CEP112: variants seen among roughly 807,000 people sequenced by gnomAD.
The protein encoded by CEP112 is centrosomal protein of 112 kDa.
Under a neutral mutation model 153.0 loss-of-function variants are expected in CEP112, and 127 were observed. That is an observed-to-expected ratio of 0.83 (90% CI 0.72 to 0.96). The LOEUF is 0.96. CEP112 is among the 40% of genes least tolerant of loss of function. CEP112 has a pLI of 0.00. For synonymous variants in CEP112, 358 were observed against 374.4 expected (o/e 0.96, Z 0.51); for missense variants, 1,089 against 1,101.2 (o/e 0.99, Z 0.16).
intron 6 of CEP112, among the ~76,000 whole-genome samples, chr17:66,118,472 T>C (rs550176143): frequency 4.7e-4 from 71 of 152,204 alleles, no homozygotes; most frequent in African/African-American, 1.6e-3. Flanking sequence ...ATATCACATG[T>C]TCTCACTCAT....
At chr17:65,741,987 T>G (rs528010031) in intron 23 of CEP112, among the ~76,000 whole-genome samples, 1 of 148,084 alleles carries the variant, frequency 6.8e-6, no homozygotes, top group East Asian at 2.0e-4. Flanking sequence ...TGGAAATACA[T>G]AGGAAAAATG....
intron 24 of CEP112, among the ~76,000 whole-genome samples, chr17:65,669,699 C>T (rs564849097): frequency 6.6e-4 from 100 of 152,102 alleles, no homozygotes; most frequent in Non-Finnish European, 1.2e-3. Context: ...GTCAGGAGAT[C>T]GAGACCATCC....
At chr17:65,881,302 T>G (rs1041916739) in intron 20 of CEP112, among the ~76,000 whole-genome samples, 34 of 151,696 alleles carry the variant, frequency 2.2e-4, no homozygotes, top group Admixed American at 2.2e-3. Flanking sequence ...GAATGCTACT[T>G]TTTTTTTATA....
At chr17:66,016,729 C>T (rs2064791273) in intron 16 of CEP112, among the ~76,000 whole-genome samples, 1 of 152,096 alleles carries the variant, frequency 6.6e-6, no homozygotes, top group South Asian at 2.1e-4. Context: ...CAGTAGTTTC[C>T]CCTCTATTTA....
Position 66,029,134 on chromosome 17 carries a change from A to C in CEP112, c.1492T>G (p.Ser498Ala), listed in dbSNP as rs776002010. 6.2e-7 allele frequency: 1 copy of C among 1,600,796 alleles called. No homozygotes were observed. Among genetic ancestry groups the C allele is most frequent in the South Asian group, 1.1e-5 (1 of 90,284 alleles). The change falls in exon 14 of 27, where the codon TCA becomes GCA. Residue 498 changes from serine to alanine, a missense_variant. By Grantham distance (99) the Ser-to-Ala change is moderately conservative. Transcript: ENST00000535342. Reference sequence around the variant, plus strand: ...AACATAAATAATACCTTAGAAGCTGAAAGAGCATGTTCTTGTTTTAGAAGG... The same window carrying C: ...AACATAAATAATACCTTAGAAGCTGCAAGAGCATGTTCTTGTTTTAGAAGG... ...INLLKQEHAL[S>A]ASKASSMIEE... is the part of the protein sequence containing the mutation.
intron 21 of CEP112, among the ~76,000 whole-genome samples, chr17:65,803,181 TGAA>T (rs1271273298): frequency 2.0e-5 from 3 of 152,194 alleles, no homozygotes; most frequent in African/African-American, 4.8e-5. Flanking sequence ...GGAGCGTAAG[TGAA>T]GAAGACTTCA....
At chr17:65,640,934 C>G in intron 25 of CEP112, 30 bp downstream of exon 25, 1 of 1,286,446 alleles carries the variant, frequency 7.8e-7, no homozygotes, top group East Asian at 2.3e-5. Context: ...CCCCTAAATC[C>G]TTGGAAAATG....
chr17:66,038,733 C>A (rs926254534), intron 12 of CEP112, among the ~76,000 whole-genome samples: 7 of 152,144 alleles, frequency 4.6e-5, no homozygotes, highest in Admixed American at 4.6e-4. Context: ...TATCTTCCCA[C>A]ATTGGGAACT....
chr17:65,949,463 T>C (rs2061748609), intron 18 of CEP112, among the ~76,000 whole-genome samples: 1 of 152,166 alleles, frequency 6.6e-6, no homozygotes, highest in Non-Finnish European at 1.5e-5. Flanking sequence ...AGATCAGGCC[T>C]GGTGAGGGCT....
chr17:66,134,240 T>C (rs2070333678), intron 4 of CEP112, among the ~76,000 whole-genome samples: 1 of 152,232 alleles, frequency 6.6e-6, no homozygotes, highest in African/African-American at 2.4e-5. Context: ...ATCTATTTAT[T>C]GCACAGGGTT....
intron 21 of CEP112, among the ~76,000 whole-genome samples, chr17:65,788,782 A>T (rs946112568): frequency 6.6e-6 from 1 of 152,152 alleles, no homozygotes; most frequent in East Asian, 1.9e-4. Context: ...CCGGTCTTCT[A>T]AAAAGTTTAT....
intron 23 of CEP112, among the ~76,000 whole-genome samples, chr17:65,690,961 G>A (rs1228516902): frequency 6.6e-6 from 1 of 152,148 alleles, no homozygotes; most frequent in Non-Finnish European, 1.5e-5. Flanking sequence ...GAGAGCAGGG[G>A]AGAGGCCACT....
intron 11 of CEP112, among the ~76,000 whole-genome samples, chr17:66,058,486 G>A (rs976390955): frequency 8.6e-6 from 1 of 115,644 alleles, no homozygotes; most frequent in African/African-American, 2.8e-5. Flanking sequence ...ATTTTTTACA[G>A]AATTAGAAAA....
In CEP112 at chr17:65,694,706, G is replaced by C. The variant is rs542761494; in HGVS notation, c.2608-5488C>G. On this transcript the variant is annotated intron_variant, in intron 23 of 26. Coordinates refer to ENST00000535342, the MANE Select transcript of CEP112 (RefSeq NM_001199165.4). ...GTTTTATATTCTAAAAGATTATTAG[G>C]TTATTAGAGTTCCAACCTCAGAATT... 8.5e-5 allele frequency among the ~76,000 whole-genome samples: 13 copies of C among 152,274 alleles called. No homozygotes were observed. The South Asian group carries it at 2.7e-3, about 32-fold the overall frequency.
At chr17:65,861,394 G>T (rs1270958611) in intron 20 of CEP112, among the ~76,000 whole-genome samples, 1 of 152,144 alleles carries the variant, frequency 6.6e-6, no homozygotes, top group Non-Finnish European at 1.5e-5. Flanking sequence ...AACTTGAAAA[G>T]ATTGATGAAT....
chr17:65,759,966 T>C (rs2052513383), intron 21 of CEP112, among the ~76,000 whole-genome samples: 1 of 152,138 alleles, frequency 6.6e-6, no homozygotes, highest in Non-Finnish European at 1.5e-5. Flanking sequence ...GTTGAACCTT[T>C]GTAAGTCAGG....
intron 12 of CEP112, among the ~76,000 whole-genome samples, chr17:66,030,494 G>T (rs894472565): frequency 3.3e-5 from 5 of 152,096 alleles, no homozygotes; most frequent in African/African-American, 1.2e-4. Context: ...TAGCACAAGG[G>T]TGTTCACATA....
chr17:65,899,830 C>A (rs1047395686), intron 20 of CEP112, among the ~76,000 whole-genome samples: 20 of 152,228 alleles, frequency 1.3e-4, no homozygotes, highest in Middle Eastern at 3.4e-3. Flanking sequence ...AAAATCAAAT[C>A]TCTAACTGAA....
chr17:65,972,636 G>C (rs896411624), intron 17 of CEP112, among the ~76,000 whole-genome samples: 1 of 152,130 alleles, frequency 6.6e-6, no homozygotes, highest in Non-Finnish European at 1.5e-5. Flanking sequence ...CCTCTAGCTA[G>C]GCTGGTCAGA....
Sources: gnomAD v4.1 joint callset for allele counts (sites outside exome capture counted in the v4.1 genomes callset) on GRCh38, gnomAD v4.1.1 for gene constraint, MANE v1.5 for transcripts, NCBI Gene and HGNC (gene_info 2026-07-23, HGNC 2026-07-21) for gene names.